DUSP29: variants seen among roughly 807,000 people sequenced by gnomAD.
The protein encoded by DUSP29 is atypical dual-specific protein phosphatase.
Under a neutral mutation model 13.5 loss-of-function variants are expected in DUSP29, and 12 were observed. That is an observed-to-expected ratio of 0.89 (90% CI 0.57 to 1.44). The LOEUF is 1.44. Among genes scored for constraint, DUSP29 ranks in the 40% most tolerant of loss-of-function variants. The probability of loss-of-function intolerance (pLI) is 0.00; values close to 1 mark genes in which losing one functional copy is unlikely to be tolerated. For synonymous variants in DUSP29, 134 were observed against 128.7 expected (o/e 1.04, Z -0.28); for missense variants, 308 against 301.1 (o/e 1.02, Z -0.17).
chr10:75,058,561 G>C lies in DUSP29; in HGVS notation c.-34-13C>G, dbSNP rs1316648751. 1.9e-6 allele frequency: 3 copies of C among 1,605,986 alleles called. No homozygotes were observed. The highest frequency in any genetic ancestry group is 2.6e-6 in the Non-Finnish European group (3 of 1,176,394). ...CTCCTTTCTGCAGCTGGTTATGAGA[G>C]AGAAGCAGGATGGGGGTTAGCAGGG... On this transcript the variant is annotated splice_polypyrimidine_tract_variant and intron_variant, in intron 1 of 3. Coordinates refer to ENST00000338487, the MANE Select transcript of DUSP29 (RefSeq NM_001003892.3).
intron 2 of DUSP29, among the ~76,000 whole-genome samples, chr10:75,047,094 C>G (rs1370199596): frequency 6.6e-6 from 1 of 152,180 alleles, no homozygotes; most frequent in African/African-American, 2.4e-5. Flanking sequence ...GTTGGTTGTG[C>G]CTGAGGCAGA....
chr10:75,043,434 G>A (rs766785943), intron 3 of DUSP29, among the ~76,000 whole-genome samples: 85 of 152,288 alleles, frequency 5.6e-4, no homozygotes, highest in Non-Finnish European at 8.4e-4. Context: ...CAAAGACTCC[G>A]ACCAAAAGGC....
At chr10:75,038,163 A>G (rs1278051333) in intron 3 of DUSP29, 86 bp from the exon 4 acceptor site, 1 of 1,509,208 alleles carries the variant, frequency 6.6e-7, no homozygotes, top group African/African-American at 1.4e-5. Flanking sequence ...CCTGACTGTC[A>G]CCCTCTCGCC....
chr10:75,044,248 A>G (rs1170340200), intron 2 of DUSP29, among the ~76,000 whole-genome samples: 1 of 152,026 alleles, frequency 6.6e-6, no homozygotes, highest in Non-Finnish European at 1.5e-5. Flanking sequence ...TGGGGTAGGC[A>G]AGCTGAGCTA....
chr10:75,063,482 C>T (rs1847132947), intron 1 of DUSP29, among the ~76,000 whole-genome samples: 1 of 152,030 alleles, frequency 6.6e-6, no homozygotes, highest in Admixed American at 6.6e-5. Context: ...TTAACATCCC[C>T]CAGAAGTTGT....
At chr10:75,048,443 A>T (rs1412086436) in intron 2 of DUSP29, among the ~76,000 whole-genome samples, 6 of 146,352 alleles carry the variant, frequency 4.1e-5, no homozygotes, top group African/African-American at 1.5e-4. Flanking sequence ...CCCAGGCTGG[A>T]GTGCAGTGGC....
In DUSP29 at chr10:75,038,687, G is replaced by A. The variant is rs372464772; in HGVS notation, c.422-610C>T. The stretch of plus-strand genomic sequence containing the variant: ...AATTCTGTTAAGTGGCAGAGGGGAG[G>A]GGAGAAAGAGTTGGAAGGGAGATGG... On this transcript the variant is annotated intron_variant, in intron 3 of 3. Coordinates refer to ENST00000338487, the MANE Select transcript of DUSP29 (RefSeq NM_001003892.3). 5.3e-5 allele frequency among the ~76,000 whole-genome samples: 8 copies of A among 151,538 alleles called. No homozygotes were observed. The East Asian group carries it at 1.6e-3, about 29-fold the overall frequency.
At chr10:75,073,028 A>G (rs898277667) in intron 1 of DUSP29, among the ~76,000 whole-genome samples, 5 of 150,066 alleles carry the variant, frequency 3.3e-5, no homozygotes, top group African/African-American at 1.2e-4. Context: ...CGTCATCCCC[A>G]ACCCCATCCT....
intron 2 of DUSP29, among the ~76,000 whole-genome samples, chr10:75,057,149 C>T (rs1249780768): frequency 6.6e-6 from 1 of 151,926 alleles, no homozygotes. Context: ...GAGGCAGGTG[C>T]CTGTAATCCC....
At chr10:75,067,147 A>G (rs868563428) in intron 1 of DUSP29, among the ~76,000 whole-genome samples, 3 of 151,378 alleles carry the variant, frequency 2.0e-5, no homozygotes, top group Non-Finnish European at 4.4e-5. Flanking sequence ...TTTAGTAGAG[A>G]TGGGGTTTCA....
chr10:75,040,930 C>T (rs897214775), intron 3 of DUSP29, among the ~76,000 whole-genome samples: 7 of 152,106 alleles, frequency 4.6e-5, no homozygotes, highest in African/African-American at 1.7e-4. Context: ...TACAGCTCCA[C>T]AAGGAACGCT....
chr10:75,051,381 G>A (rs529482255), intron 2 of DUSP29, among the ~76,000 whole-genome samples: 3 of 152,346 alleles, frequency 2.0e-5, no homozygotes, highest in African/African-American at 4.8e-5. Flanking sequence ...CCACATAGGC[G>A]AAGAAGCTGA....
intron 1 of DUSP29, among the ~76,000 whole-genome samples, chr10:75,066,779 A>G (rs922680645): frequency 1.3e-5 from 2 of 151,936 alleles, no homozygotes; most frequent in Non-Finnish European, 2.9e-5. Flanking sequence ...GCCTCCTGTC[A>G]AGTGGGAGCC....
intron 1 of DUSP29, among the ~76,000 whole-genome samples, chr10:75,072,368 C>T (rs1290091109): frequency 6.6e-6 from 1 of 152,124 alleles, no homozygotes; most frequent in Admixed American, 6.5e-5. Context: ...GAGGTCTGAG[C>T]AGCTGGGTAC....
chr10:75,037,977 G>A lies in DUSP29; in HGVS notation c.522C>T (p.Ile174=). Residue 174 remains isoleucine (I), a synonymous_variant, in exon 4 of 4, where the codon ATC becomes ATT. Coordinates refer to ENST00000338487, the MANE Select transcript of DUSP29 (RefSeq NM_001003892.3). ...CGCAGCGGTTCTTGGCCACTTGCTG[G>A]ATGGCGTCCACCAGGGTCATGTCCT... ...IHKDMTLVDA[I]QQVAKNRCVL... is the part of the protein sequence containing the mutation. 5 of 1,613,948 alleles carry A rather than the reference G, an allele frequency of 3.1e-6. No individual in the cohort carries two copies. The highest frequency in any genetic ancestry group is 4.2e-6 in the Non-Finnish European group (5 of 1,180,040).
chr10:75,051,008 C>A (rs1846815938), intron 2 of DUSP29, among the ~76,000 whole-genome samples: 1 of 152,242 alleles, frequency 6.6e-6, no homozygotes, highest in South Asian at 2.1e-4. Flanking sequence ...CTTGAGCTAA[C>A]CTGGGATGGA....
Position 75,043,801 on chromosome 10 carries a change from G to T in DUSP29, c.417C>A (p.Asp139Glu). ...GCGGGGCCGCGGGTCTCTTACTGTG[G>T]TCGTCGCTTAGCGCTCTGTCGATGA... is the stretch of plus-strand genomic sequence containing the variant. Reference protein sequence around the residue: ...AAFIDRALSDDHSKILVHCVM... With the variant: ...AAFIDRALSDEHSKILVHCVM... Residue 139 changes from aspartate to glutamate, a missense_variant, in exon 3 of 4, where the codon GAC becomes GAA. Transcript: ENST00000338487. 1 of 1,612,444 alleles carries T rather than the reference G, an allele frequency of 6.2e-7. No individual in the cohort carries two copies.
intron 2 of DUSP29, 50 bp from the exon 3 acceptor site, chr10:75,044,067 T>G: frequency 6.4e-7 from 1 of 1,552,420 alleles, no homozygotes. Context: ...CTGCCCCGGG[T>G]CCGGGAAACT....
Position 75,071,329 on chromosome 10 carries a change from C to T in DUSP29, c.-35+2240G>A, listed in dbSNP as rs546321759. Among the ~76,000 whole-genome samples, 16 of 152,316 alleles carry T rather than the reference C, an allele frequency of 1.1e-4. 1 individual carries two copies. The highest frequency in any genetic ancestry group is 8.3e-4 in the South Asian group (4 of 4,824). On this transcript the variant is annotated intron_variant, in intron 1 of 3. Coordinates refer to ENST00000338487, the MANE Select transcript of DUSP29 (RefSeq NM_001003892.3). ...TAGCACAGGAAACACCGCCAGGCCT[C>T]GGGGCCGCAGTGTCTGGGGAAGGCT...
Sources: gnomAD v4.1 joint callset for allele counts (sites outside exome capture counted in the v4.1 genomes callset) on GRCh38, gnomAD v4.1.1 for gene constraint, MANE v1.5 for transcripts, NCBI Gene and HGNC (gene_info 2026-07-23, HGNC 2026-07-21) for gene names.